Variants in TJAP1 observed in about 807,000 individuals in gnomAD.
The protein encoded by TJAP1 is tight junction associated protein 1, also known as tight junction-associated protein 1.
In TJAP1, 27 loss-of-function variants were observed where a neutral mutation model predicts 42.0. The ratio of observed to expected loss-of-function variants is 0.64; its 90% CI spans 0.47 to 0.89. TJAP1 has a LOEUF of 0.89. Among genes scored for constraint, TJAP1 ranks in the 40% least tolerant of loss-of-function variants. TJAP1 has a pLI of 0.00. For synonymous variants in TJAP1, 257 were observed against 288.4 expected, an observed-to-expected ratio of 0.89 and a Z score of 1.10; for missense variants, 712 against 726.9, an observed-to-expected ratio of 0.98 and a Z score of 0.24.
intron 4 of TJAP1, 183 bp from the exon 5 acceptor site, chr6:43,500,561 G>C (rs1426316585): frequency 9.8e-6 from 6 of 613,976 alleles, no homozygotes; most frequent in Non-Finnish European, 1.5e-5. Flanking sequence ...GCATGGGAGA[G>C]GGTAGTCGAG....
At position 43,505,020 on chromosome 6, in the gene TJAP1, CT is replaced by C; in HGVS notation, c.840del (p.Gly281AlafsTer33). 2.5e-6 allele frequency: 4 copies of C among 1,614,108 alleles called. No homozygotes were observed. Among genetic ancestry groups the C allele is most frequent in the Non-Finnish European group, 3.4e-6 (4 of 1,180,034 alleles). Reference sequence around the variant, plus strand: ...GGTGATCCAGCCAGTCCCCCGGCCCCTGGCAGCCCCACCCCACAACCCAATG... The same window carrying C: ...GGTGATCCAGCCAGTCCCCCGGCCCCGGCAGCCCCACCCCACAACCCAATG... On this transcript the variant is annotated frameshift_variant, in exon 11 of 11. Coordinates refer to ENST00000372449, the Ensembl canonical transcript of TJAP1. LOFTEE classifies it high-confidence loss of function. This position sits in a 1 kb window ranked among gnomAD's most constrained non-coding sequence, Gnocchi z 5.5.
intron 2 of TJAP1, among the ~76,000 whole-genome samples, chr6:43,485,689 A>G (rs1392363192): frequency 6.6e-6 from 1 of 152,168 alleles, no homozygotes; most frequent in East Asian, 1.9e-4. Flanking sequence ...TCTTAGGGGC[A>G]AGCTTTTTTA....
intron 4 of TJAP1, 124 bp from the exon 5 acceptor site, chr6:43,500,620 G>GC (rs1790312919): frequency 9.7e-7 from 1 of 1,027,812 alleles, no homozygotes; most frequent in African/African-American, 1.6e-5. Flanking sequence ...GAGCCCTGCA[G>GC]CCCTCTTCTG....
Position 43,492,924 on chromosome 6 carries a change from TAC to T in TJAP1, c.-121-4955_-121-4954del, listed in dbSNP as rs1267941474. On this transcript the variant is annotated intron_variant, in intron 2 of 10. Transcript: ENST00000372449. This position sits in a 1 kb window ranked among gnomAD's most constrained non-coding sequence, Gnocchi z 4.2. ...CTTCAGAGACTCCACATCCAGCACT[TAC>T]AGCTCAGGACAGTTCCTGAGGGGGA... Among the ~76,000 whole-genome samples the T allele has an allele frequency of 6.6e-6, 1 of 152,158 alleles. No individual in the cohort carries two copies. Among genetic ancestry groups the T allele is most frequent in the Non-Finnish European group, 1.5e-5 (1 of 68,022 alleles).
intron 2 of TJAP1, among the ~76,000 whole-genome samples, chr6:43,493,573 C>T (rs930523105): frequency 2.0e-5 from 3 of 152,178 alleles, no homozygotes; most frequent in African/African-American, 4.8e-5. Context: ...GGGATGGCCT[C>T]AGCCTCAGCT....
Position 43,505,447 on chromosome 6 carries a change from T to C in TJAP1, c.1266T>C (p.Thr422=). ...GGCAGCGGGCATTTGTGGACCGTAC[T>C]CCACCACCTGCTGCTGTGGCCCAGC... Residue 422 remains threonine (T), a synonymous_variant, in exon 11 of 11, where the codon ACT becomes ACC. Transcript: ENST00000372449. The surrounding 1 kb of genome is among the most constrained non-coding windows in gnomAD (Gnocchi z 5.5). 3 of 1,613,280 alleles carry C rather than the reference T, an allele frequency of 1.9e-6. No homozygotes were observed. In the East Asian group the frequency reaches 6.7e-5, roughly 36 times the overall value.
Position 43,505,609 on chromosome 6 carries a change from C to T in TJAP1, c.1428C>T (p.Asp476=). 1.2e-6 allele frequency: 2 copies of T among 1,613,570 alleles called. No individual in the cohort carries two copies. The highest frequency in any genetic ancestry group is 1.1e-5 in the South Asian group (1 of 91,088). The stretch of plus-strand genomic sequence containing the variant: ...AGCTTTTGCTACCCACAGAACCTGA[C>T]TCTGGCTTTCCCAGGGAGGAAGAAG... Residue 476 remains aspartate (D), a synonymous_variant, in exon 11 of 11, where the codon GAC becomes GAT. Coordinates refer to ENST00000372449, the Ensembl canonical transcript of TJAP1. This position sits in a 1 kb window ranked among gnomAD's most constrained non-coding sequence, Gnocchi z 5.5.
chr6:43,496,540 G>T (rs1219355520), intron 2 of TJAP1, among the ~76,000 whole-genome samples: 2 of 152,210 alleles, frequency 1.3e-5, no homozygotes, highest in Non-Finnish European at 2.9e-5. Context: ...TGCCTGTGCT[G>T]CCGCACCTCA....
At chr6:43,499,924 G>T (rs1031726201) in intron 4 of TJAP1, among the ~76,000 whole-genome samples, 2 of 152,236 alleles carry the variant, frequency 1.3e-5, no homozygotes, top group Non-Finnish European at 2.9e-5. Context: ...CATTACCTCA[G>T]TTTTATAAAT....
At chr6:43,497,320 A>T (rs1789429236) in intron 2 of TJAP1, 1 of 152,258 alleles carries the variant, frequency 6.6e-6, no homozygotes, top group Non-Finnish European at 1.5e-5. Context: ...GTTGAGAGCT[A>T]CTGCTCTGTG....
intron 2 of TJAP1, among the ~76,000 whole-genome samples, chr6:43,485,660 A>T (rs1020780641): frequency 3.3e-5 from 5 of 152,130 alleles, no homozygotes; most frequent in Non-Finnish European, 7.4e-5. Context: ...TAGGAGTAAG[A>T]TCTTCTGTCT....
In TJAP1 at chr6:43,505,956, T is replaced by C. The variant is rs1329758668; in HGVS notation, c.*101T>C. 9 of 1,265,178 alleles carry C rather than the reference T, an allele frequency of 7.1e-6. No homozygotes were observed. In the Admixed American group the frequency reaches 1.3e-4, roughly 18 times the overall value. 78.4% of individuals were successfully genotyped at this position (1,265,178 alleles called of 1,614,324 possible). On this transcript the variant is annotated 3_prime_UTR_variant, in exon 11 of 11. Coordinates refer to ENST00000372449, the Ensembl canonical transcript of TJAP1. This position sits in a 1 kb window ranked among gnomAD's most constrained non-coding sequence, Gnocchi z 5.5. ...CAGTCCAAGCCCTTGACCTCTCCTCTATCCAGACCCGCACAGCTGTTTCCT... is the reference window on the plus strand; with the variant it reads ...CAGTCCAAGCCCTTGACCTCTCCTCCATCCAGACCCGCACAGCTGTTTCCT...
chr6:43,505,353 G>A lies in TJAP1; in HGVS notation c.1172G>A (p.Ser391Asn). 1 of 1,608,820 alleles carries A rather than the reference G, an allele frequency of 6.2e-7. No homozygotes were observed. Among genetic ancestry groups the A allele is most frequent in the Non-Finnish European group, 8.5e-7 (1 of 1,179,416 alleles). The change falls in exon 11 of 11, where the codon AGC becomes AAC. Residue 391 changes from serine to asparagine, a missense_variant. Coordinates refer to ENST00000372449, the Ensembl canonical transcript of TJAP1. The surrounding 1 kb of genome is among the most constrained non-coding windows in gnomAD (Gnocchi z 5.5). ...CAGGCCTCACCCCACCACCAGCCCAGCCCAGCACCCCTAACACTCAGTGCC... is the reference window on the plus strand; with the variant it reads ...CAGGCCTCACCCCACCACCAGCCCAACCCAGCACCCCTAACACTCAGTGCC...
chr6:43,504,049 CTA>C (rs1791636831), intron 10 of TJAP1: 1 of 464,444 alleles, frequency 2.2e-6, no homozygotes, highest in Non-Finnish European at 4.2e-6. Flanking sequence ...GGGGTAAACT[CTA>C]GACCCCACAG....
At position 43,499,252 on chromosome 6, in the gene TJAP1, T is replaced by C. The variant is rs915077391; in HGVS notation, c.99+152T>C. 1.1e-5 allele frequency: 13 copies of C among 1,183,938 alleles called. No individual in the cohort carries two copies. The East Asian group carries it at 3.1e-4, about 28-fold the overall frequency. 73.3% of individuals were successfully genotyped at this position (1,183,938 alleles called of 1,614,324 possible). ...GCCTGAGGTCTCCTAGCCGCAGTAG[T>C]GCAGGTGGGGGTAATGTAGGCTCAA... is the stretch of plus-strand genomic sequence containing the variant. On this transcript the variant is annotated intron_variant, in intron 4 of 10. Coordinates refer to ENST00000372449, the Ensembl canonical transcript of TJAP1.
chr6:43,499,955 AG>A (rs1790139739), intron 4 of TJAP1, among the ~76,000 whole-genome samples: 1 of 152,240 alleles, frequency 6.6e-6, no homozygotes, highest in South Asian at 2.1e-4. Flanking sequence ...AGGCTCGGTG[AG>A]GTGAAGGCTG....
intron 8 of TJAP1, 94 bp downstream of exon 8, chr6:43,502,711 T>C: frequency 7.4e-7 from 1 of 1,346,358 alleles, no homozygotes; most frequent in Non-Finnish European, 1.0e-6. Flanking sequence ...CCTGTGCCCC[T>C]TGAGTACACC....
chr6:43,481,488 C>G (rs1304516546), intron 2 of TJAP1, among the ~76,000 whole-genome samples: 1 of 145,618 alleles, frequency 6.9e-6, no homozygotes, highest in African/African-American at 2.5e-5. Flanking sequence ...CATCACCCCC[C>G]CCCCAAAAAA....
At chr6:43,481,325 T>C (rs1181973695) in intron 2 of TJAP1, among the ~76,000 whole-genome samples, 1 of 152,154 alleles carries the variant, frequency 6.6e-6, no homozygotes, top group African/African-American at 2.4e-5. Context: ...CATTAGAATC[T>C]ACACTGAGCA....
Sources: allele counts gnomAD v4.1 joint callset (sites outside exome capture counted in the v4.1 genomes callset), GRCh38; gene constraint gnomAD v4.1.1; non-coding constraint Gnocchi (gnomAD v3.1); transcripts MANE v1.5; gene names NCBI Gene and HGNC (gene_info 2026-07-23, HGNC 2026-07-21).